FASN: variants seen among roughly 807,000 people sequenced by gnomAD.
FASN encodes the protein 3-hydroxyacyl-[acyl-carrier-protein] dehydratase.
A neutral mutation model predicts 250.0 loss-of-function variants in FASN; 50 were observed. The ratio of observed to expected loss-of-function variants is 0.20; its 90% CI spans 0.16 to 0.25. The LOEUF is 0.25. Among genes scored for constraint, FASN ranks in the 10% least tolerant of loss-of-function variants. The pLI is 1.00. For missense variants in FASN, 3,031 were observed against 3,498.5 expected (o/e 0.87, Z 3.37); for synonymous variants, 1,909 against 1,584.0 (o/e 1.21, Z -4.87).
rs770833743 is a variant in FASN at position 82,084,608 on chromosome 17, C to T, written c.4673G>A (p.Cys1558Tyr). Residue 1558 changes from cysteine (C) to tyrosine (Y), a missense_variant, in exon 27 of 43, where the codon TGC (cysteine) becomes TAC (tyrosine). Coordinates refer to ENST00000306749, the MANE Select transcript of FASN (RefSeq NM_004104.5). ...GACCGTGCAGAGCTGGGCGCCAGGG[C>T]AGGTGGGCTGGGCATGGCGCAGCGA... ...CSSLRHAQPTCPGAQLCTVYY... is the reference protein window; with the variant it reads ...CSSLRHAQPTYPGAQLCTVYY... 1.9e-6 allele frequency: 3 copies of T among 1,609,056 alleles called. No individual in the cohort carries two copies. Among genetic ancestry groups the T allele is most frequent in the Admixed American group, 3.4e-5 (2 of 59,376 alleles).
chr17:82,095,250 G>A (rs2034284236), intron 3 of FASN, 70 bp downstream of exon 3: 7 of 1,551,662 alleles, frequency 4.5e-6, no homozygotes, highest in East Asian at 2.2e-5. Context: ...GAACCAAGAA[G>A]AGAAAACACT....
In FASN at chr17:82,079,138, C is replaced by T. The variant is rs748284016; in HGVS notation, c.*5G>A. On this transcript the variant is annotated 3_prime_UTR_variant, in exon 43 of 43. Coordinates refer to ENST00000306749, the MANE Select transcript of FASN (RefSeq NM_004104.5). ...TGACCTCCGGTGGCAGGCGGGGGCA[C>T]GGGCCTAGCCCTCCCGCACGCTCAC... The T allele has an allele frequency of 3.7e-5, 59 of 1,609,920 alleles. No individual in the cohort carries two copies. Among genetic ancestry groups the T allele is most frequent in the Middle Eastern group, 3.5e-4 (2 of 5,704 alleles).
chr17:82,086,921 G>A (rs1433005601), intron 21 of FASN, 129 bp downstream of exon 21: 10 of 1,012,364 alleles, frequency 9.9e-6, no homozygotes, highest in South Asian at 2.8e-5. Flanking sequence ...AGCTCCGGCC[G>A]GAGGGTTGGG....
intron 27 of FASN, 34 bp downstream of exon 27, chr17:82,084,479 C>T: frequency 6.3e-7 from 1 of 1,592,332 alleles, no homozygotes; most frequent in Non-Finnish European, 8.5e-7. Flanking sequence ...GCTCCCCGGC[C>T]CAGTCCACTC....
In FASN at chr17:82,080,245, G is replaced by A; in HGVS notation, c.7048-7C>T. The A allele has an allele frequency of 1.9e-6, 3 of 1,612,998 alleles. No individual in the cohort carries two copies. In the East Asian group the frequency reaches 6.7e-5, roughly 36 times the overall value. ...TCAGCTTTGCCCGGTAGCTCTGAGAGGAAGGAGGGACTGCTGAGCAGATGG... is the reference window on the plus strand; with the variant it reads ...TCAGCTTTGCCCGGTAGCTCTGAGAAGAAGGAGGGACTGCTGAGCAGATGG... On this transcript the variant is annotated splice_region_variant and splice_polypyrimidine_tract_variant and intron_variant, in intron 40 of 42. Transcript: ENST00000306749.
At position 82,087,223 on chromosome 17, in the gene FASN, C is replaced by T. The variant is rs1191176999; in HGVS notation, c.3254G>A (p.Arg1085Lys). The part of the protein sequence containing the change: ...VADVVVSRWL[R>K]VTVAGGVHIS... ...GTGGACGCCTCCGGCCACTGTGACC[C>T]TCAGCCACCTGCTCACCACCACGTC... Residue 1085 changes from arginine to lysine, a missense_variant, in exon 21 of 43, where the codon AGG becomes AAG. Coordinates refer to ENST00000306749, the MANE Select transcript of FASN (RefSeq NM_004104.5). 3.1e-6 allele frequency: 5 copies of T among 1,607,964 alleles called. No homozygotes were observed.
rs751435856 is a variant in FASN, at chr17:82,088,956, A to C, written c.2304+13T>G. On this transcript the variant is annotated intron_variant, in intron 14 of 42. Coordinates refer to ENST00000306749, the MANE Select transcript of FASN (RefSeq NM_004104.5). ...CAGGCTCCCGGCGCCTGCTGCCCCC[A>C]GGCTGGGCCTACCTGCAGCAGGGCG... 2.5e-6 allele frequency: 4 copies of C among 1,608,340 alleles called. No homozygotes were observed. The highest frequency in any genetic ancestry group is 3.4e-6 in the Non-Finnish European group (4 of 1,177,964).
chr17:82,087,551 G>A lies in FASN; in HGVS notation c.3044-47C>T, dbSNP rs1229490663. The A allele has an allele frequency of 6.2e-6, 10 of 1,607,814 alleles. No homozygotes were observed. In the Admixed American group the frequency reaches 1.0e-4, roughly 16 times the overall value. Reference sequence around the variant, plus strand: ...TGCTGTGGAACTCCCAGGTCCCTGGGGCCACCTCCCAGAGCCCACCGGGCC... The same window carrying A: ...TGCTGTGGAACTCCCAGGTCCCTGGAGCCACCTCCCAGAGCCCACCGGGCC... On this transcript the variant is annotated intron_variant, in intron 19 of 42. Coordinates refer to ENST00000306749, the MANE Select transcript of FASN (RefSeq NM_004104.5).
In FASN at chr17:82,089,167, G is replaced by A; in HGVS notation, c.2106C>T (p.Ile702=). The A allele has an allele frequency of 6.3e-7, 1 of 1,580,424 alleles. No homozygotes were observed. The highest frequency in any genetic ancestry group is 8.6e-7 in the Non-Finnish European group (1 of 1,163,698). ...GGGCTGAACGTGGCTTCGGCTCCCG[G>A]ATCACCTGCATGAGGGGCCAGGTCA... ...PPLLQELKKV[I]REPKPRSARW... The change falls in exon 14 of 43, where the codon ATC becomes ATT. Residue 702 remains isoleucine, a synonymous_variant. Transcript: ENST00000306749.
Position 82,093,402 on chromosome 17 carries a change from C to A in FASN, c.472G>T (p.Asp158Tyr). ...FDFRGPSIAL[D>Y]TACSSSLMAL... Reference sequence around the variant, plus strand: ...ATCAGGCTGGAGGAGCAGGCTGTGTCCAGTGCGATGCTGGGCCCTGCAAGG... The same window carrying A: ...ATCAGGCTGGAGGAGCAGGCTGTGTACAGTGCGATGCTGGGCCCTGCAAGG... The change falls in exon 5 of 43, where the codon GAC (aspartate) becomes TAC (tyrosine). Residue 158 changes from aspartate (D) to tyrosine (Y), a missense_variant. By Grantham distance (160) the Asp-to-Tyr change is radical (BLOSUM62 -3). Coordinates refer to ENST00000306749, the MANE Select transcript of FASN (RefSeq NM_004104.5). The A allele has an allele frequency of 6.2e-7, 1 of 1,602,882 alleles. No individual in the cohort carries two copies. The highest frequency in any genetic ancestry group is 8.5e-7 in the Non-Finnish European group (1 of 1,177,052).
At position 82,093,831 on chromosome 17, in the gene FASN, A is replaced by G. The variant is rs992207835; in HGVS notation, c.281-60T>C. The G allele has an allele frequency of 3.4e-6, 4 of 1,180,156 alleles. No homozygotes were observed. In the East Asian group the frequency reaches 1.7e-4, roughly 51 times the overall value. The allele number at this position is 1,180,156 out of a possible 1,614,324, so 73.1% of individuals were successfully genotyped here. On this transcript the variant is annotated intron_variant, in intron 3 of 42. Transcript: ENST00000306749. The stretch of plus-strand genomic sequence containing the variant: ...GCCCCACAGCGCAGCCAGCCCACCC[A>G]CCCACCCGGCTCTGGGGCGAAGGTC...
Position 82,098,101 on chromosome 17 carries a change from C to G in FASN, c.-8+20G>C, listed in dbSNP as rs1184946806. On this transcript the variant is annotated intron_variant, in intron 1 of 42. Transcript: ENST00000306749. ...CCCGACCACGACCCGCGCCCCGGCC[C>G]CAGCGCCGGCTGCTCGTACCTGGTG... The G allele has an allele frequency of 3.0e-6, 1 of 334,960 alleles. No individual in the cohort carries two copies. Among genetic ancestry groups the G allele is most frequent in the Non-Finnish European group, 5.4e-6 (1 of 184,604 alleles). 20.7% of individuals were successfully genotyped at this position (334,960 alleles called of 1,614,324 possible). A position where few individuals can be genotyped will look rare whatever the true frequency, so the allele number is the denominator to read the frequency against.
In FASN at chr17:82,093,120, T is replaced by A. The variant is rs540376886; in HGVS notation, c.655+99A>T. ...GTGGGGTGGGTGCTTGGGTGGGGGATCCCCGGAGCTGGCAGGATCCTGCTC... is the reference window on the plus strand; with the variant it reads ...GTGGGGTGGGTGCTTGGGTGGGGGAACCCCGGAGCTGGCAGGATCCTGCTC... On this transcript the variant is annotated intron_variant, in intron 5 of 42. Coordinates refer to ENST00000306749, the MANE Select transcript of FASN (RefSeq NM_004104.5). 26 of 1,556,810 alleles carry A rather than the reference T, an allele frequency of 1.7e-5. No homozygotes were observed. In the South Asian group the frequency reaches 2.8e-4, roughly 17 times the overall value.
Position 82,085,510 on chromosome 17 carries a change from G to T in FASN, c.4094C>A (p.Pro1365Gln). ...GCTCAGGATGCCCTGGCCATACTGCGGCTCAGTGGAGGTGAGGAAGGCCAC... is the reference window on the plus strand; with the variant it reads ...GCTCAGGATGCCCTGGCCATACTGCTGCTCAGTGGAGGTGAGGAAGGCCAC... ...DIVAFLTSTE[P>Q]QYGQGILSQD... The change falls in exon 23 of 43, where the codon CCG (proline) becomes CAG (glutamine). Residue 1365 changes from proline (P) to glutamine (Q), a missense_variant. By Grantham distance (76) the Pro-to-Gln change is moderately conservative. Coordinates refer to ENST00000306749, the MANE Select transcript of FASN (RefSeq NM_004104.5). 6.3e-7 allele frequency: 1 copy of T among 1,595,302 alleles called. No individual in the cohort carries two copies. The highest frequency in any genetic ancestry group is 8.5e-7 in the Non-Finnish European group (1 of 1,171,698).
chr17:82,079,987 C>T (rs955419752), intron 41 of FASN, 153 bp downstream of exon 41: 3 of 866,794 alleles, frequency 3.5e-6, no homozygotes, highest in South Asian at 3.0e-5. Flanking sequence ...GGATTACAGG[C>T]ATGAGCAACC....
Position 82,079,000 on chromosome 17 carries a change from C to T in FASN, c.*143G>A, listed in dbSNP as rs905048805. 2.4e-5 allele frequency: 24 copies of T among 1,016,944 alleles called. No individual in the cohort carries two copies. The highest frequency in any genetic ancestry group is 1.1e-4 in the African/African-American group (7 of 62,692). The allele number at this position is 1,016,944 out of a possible 1,614,324, so 63.0% of individuals were successfully genotyped here. On this transcript the variant is annotated 3_prime_UTR_variant, in exon 43 of 43. Coordinates refer to ENST00000306749, the MANE Select transcript of FASN (RefSeq NM_004104.5). The surrounding 1 kb of genome is among the most constrained non-coding windows in gnomAD (Gnocchi z 5.4). Reference sequence around the variant, plus strand: ...GTGGGTGGGACATGCCTAACACCTACATCTAGCAGCCTCGGGGGGCAGTGG... The same window carrying T: ...GTGGGTGGGACATGCCTAACACCTATATCTAGCAGCCTCGGGGGGCAGTGG...
rs1330333245 is a variant in FASN at position 82,091,514 on chromosome 17, C to T, written c.1200G>A (p.Val400=). ...GCGTGTTGGGCCTCAGGATGATGTG[C>T]ACGTTGGAGCCCCCGAAGCCAAAGG... The part of the protein sequence containing the change: ...INSFGFGGSN[V]HIILRPNTQP... The change falls in exon 9 of 43, where the codon GTG becomes GTA. Residue 400 remains valine (V), a synonymous_variant. Transcript: ENST00000306749. 1 of 1,603,792 alleles carries T rather than the reference C, an allele frequency of 6.2e-7. No individual in the cohort carries two copies. The highest frequency in any genetic ancestry group is 8.5e-7 in the Non-Finnish European group (1 of 1,176,076).
Position 82,091,542 on chromosome 17 carries a change from T to C in FASN, c.1172A>G (p.Asn391Ser), listed in dbSNP as rs1337115870. ...LPVRGGNVGI[N>S]SFGFGGSNVH... ...GTTGGAGCCCCCGAAGCCAAAGGAGTTGATGCCCACGTTGCCGCCACGGAC... is the reference window on the plus strand; with the variant it reads ...GTTGGAGCCCCCGAAGCCAAAGGAGCTGATGCCCACGTTGCCGCCACGGAC... The change falls in exon 9 of 43, where the codon AAC becomes AGC. Residue 391 changes from asparagine (N) to serine (S), a missense_variant. Asn to Ser is a conservative substitution (Grantham distance 46, BLOSUM62 1). Transcript: ENST00000306749. The C allele has an allele frequency of 6.2e-7, 1 of 1,600,368 alleles. No homozygotes were observed. The highest frequency in any genetic ancestry group is 2.3e-5 in the East Asian group (1 of 44,160).
chr17:82,081,028 G>A (rs2033977789), intron 38 of FASN, 106 bp from the exon 39 acceptor site: 1 of 1,388,928 alleles, frequency 7.2e-7, no homozygotes, highest in Admixed American at 2.0e-5. Context: ...TACGTCAGGT[G>A]GGAGTCGGGG....
Sources: allele counts gnomAD v4.1 joint callset, GRCh38; gene constraint gnomAD v4.1.1; non-coding constraint Gnocchi (gnomAD v3.1); transcripts MANE v1.5; gene names NCBI Gene and HGNC (gene_info 2026-07-23, HGNC 2026-07-21).